The following MYLK variants were observed in gnomAD, a reference collection of about 807,000 sequenced individuals.
MYLK encodes myosin light chain kinase, smooth muscle.
MYLK carries 106 observed loss-of-function variants against 203.4 expected under a neutral mutation model. The observed-to-expected ratio is 0.52, with a 90% CI of 0.45 to 0.61. The LOEUF is 0.61. MYLK is among the 20% of genes least tolerant of loss of function. The pLI, the probability that MYLK is intolerant of heterozygous loss-of-function variation, is 0.00. For synonymous variants in MYLK, 867 were observed against 959.5 expected (o/e 0.90, Z 1.78); for missense variants, 2,072 against 2,442.3 (o/e 0.85, Z 3.20).
At position 123,634,328 on chromosome 3, in the gene MYLK, G is replaced by A. The variant is rs568729019; in HGVS notation, c.4961+3743C>T. 3.9e-5 allele frequency among the ~76,000 whole-genome samples: 6 copies of A among 152,336 alleles called. No homozygotes were observed. In the East Asian group the frequency reaches 9.7e-4, roughly 25 times the overall value. ...GCAGAGAGGGCAGCGGCAGCCCCAG[G>A]TGGGGAAGGCAGAGGTTACTGGATC... On this transcript the variant is annotated intron_variant, in intron 29 of 33. Coordinates refer to ENST00000360304, the MANE Select transcript of MYLK (RefSeq NM_053025.4).
At chr3:123,810,555 G>A (rs1225222029) in intron 3 of MYLK, among the ~76,000 whole-genome samples, 1 of 152,228 alleles carries the variant, frequency 6.6e-6, no homozygotes, top group Non-Finnish European at 1.5e-5. Flanking sequence ...CCAGCTCTAA[G>A]CCTGGCCCTG....
chr3:123,658,875 C>T (rs974520114), intron 23 of MYLK, among the ~76,000 whole-genome samples: 2 of 152,112 alleles, frequency 1.3e-5, no homozygotes, highest in African/African-American at 4.8e-5. Flanking sequence ...CCAGCCCTGC[C>T]GATCCACATT....
intron 31 of MYLK, chr3:123,624,911 T>A (rs1391106126): frequency 6.6e-6 from 1 of 152,240 alleles, no homozygotes; most frequent in Non-Finnish European, 1.5e-5. Flanking sequence ...TGAGTGACAC[T>A]CTACTTTCTG....
rs181694516 is a variant in MYLK at position 123,651,840 on chromosome 3, G to T, written c.4289-2646C>A. 1.7e-3 allele frequency among the ~76,000 whole-genome samples: 262 copies of T among 152,336 alleles called. 1 individual carries two copies. The highest frequency in any genetic ancestry group is 6.2e-3 in the African/African-American group (259 of 41,586). ...CCTCTCACCCCAGAGGTCTGTGGCA[G>T]ATCTGATTCTCATGCTAATGCTCTG... On this transcript the variant is annotated intron_variant, in intron 24 of 33. Coordinates refer to ENST00000360304, the MANE Select transcript of MYLK (RefSeq NM_053025.4).
intron 3 of MYLK, 71 bp downstream of exon 3, chr3:123,831,477 C>T: frequency 7.9e-7 from 1 of 1,269,386 alleles, no homozygotes; most frequent in East Asian, 5.6e-5. Flanking sequence ...CACAGCTCCC[C>T]TCTCTGCAGC....
At chr3:123,765,031 T>G (rs557039437) in intron 4 of MYLK, among the ~76,000 whole-genome samples, 1 of 152,298 alleles carries the variant, frequency 6.6e-6, no homozygotes, top group Non-Finnish European at 1.5e-5. Flanking sequence ...AAAACTCATT[T>G]TAAGGACACC....
intron 11 of MYLK, 36 bp downstream of exon 11, chr3:123,732,860 C>T: frequency 6.2e-7 from 1 of 1,600,694 alleles, no homozygotes; most frequent in Non-Finnish European, 8.6e-7. Context: ...GGTTGTCCCA[C>T]AGAGAATGCG....
chr3:123,724,848 G>A (rs1007609492), intron 12 of MYLK, among the ~76,000 whole-genome samples: 10 of 152,066 alleles, frequency 6.6e-5, no homozygotes, highest in Non-Finnish European at 2.9e-5. Flanking sequence ...GGGTTCAAGC[G>A]ATTCTCCTGC....
intron 5 of MYLK, among the ~76,000 whole-genome samples, chr3:123,745,921 A>C (rs913033045): frequency 2.0e-5 from 3 of 151,928 alleles, no homozygotes; most frequent in African/African-American, 7.3e-5. Flanking sequence ...GCAGTGGTGC[A>C]ATCTTGGCTC....
intron 8 of MYLK, among the ~76,000 whole-genome samples, chr3:123,736,647 T>C (rs991632510): frequency 5.9e-5 from 9 of 152,040 alleles, no homozygotes; most frequent in African/African-American, 2.2e-4. Flanking sequence ...TGAAGGAACA[T>C]GGGAACCCTG....
At position 123,700,190 on chromosome 3, in the gene MYLK, C is replaced by T. The variant is rs1460324793; in HGVS notation, c.3278G>A (p.Ser1093Asn). Residue 1093 changes from serine to asparagine, a missense_variant, in exon 18 of 34, where the codon AGC becomes AAC. Ser to Asn is a conservative substitution (Grantham distance 46). Around this residue, in one of 3 missense-constraint regions of MYLK, gnomAD observed 865 missense variants for 1,016.0 expected, o/e 0.85. Coordinates refer to ENST00000360304, the MANE Select transcript of MYLK (RefSeq NM_053025.4). The stretch of plus-strand genomic sequence containing the variant: ...CTTGAAGGCTGGGGCTGTCCCCTGG[C>T]TCTCTGATCTCTTTTCATTATCTGT... ...GTTDNEKRSESQGTAPAFKQK... is the reference protein window; with the variant it reads ...GTTDNEKRSENQGTAPAFKQK... The T allele has an allele frequency of 6.2e-7, 1 of 1,613,982 alleles. No homozygotes were observed. The highest frequency in any genetic ancestry group is 8.5e-7 in the Non-Finnish European group (1 of 1,180,008).
At chr3:123,865,693 A>C (rs888222877) in intron 2 of MYLK, among the ~76,000 whole-genome samples, 2 of 152,202 alleles carry the variant, frequency 1.3e-5, no homozygotes, top group African/African-American at 4.8e-5. Flanking sequence ...CTTCAGGTTA[A>C]CTTTAGATTG....
chr3:123,828,225 C>T (rs1167163096), intron 3 of MYLK, among the ~76,000 whole-genome samples: 2 of 152,032 alleles, frequency 1.3e-5, no homozygotes, highest in Admixed American at 6.6e-5. Flanking sequence ...GCTGTAGTAA[C>T]CCAAACAGCA....
intron 4 of MYLK, among the ~76,000 whole-genome samples, chr3:123,764,081 C>T (rs1576892333): frequency 6.6e-6 from 1 of 152,300 alleles, no homozygotes; most frequent in East Asian, 1.9e-4. Flanking sequence ...CTTCAAAAAA[C>T]CCTTTTTCAG....
intron 16 of MYLK, among the ~76,000 whole-genome samples, chr3:123,705,565 A>G (rs896272728): frequency 5.3e-5 from 8 of 152,286 alleles, no homozygotes; most frequent in Middle Eastern, 3.4e-3. Flanking sequence ...GTCCCCCGTT[A>G]TTAAATGACG....
chr3:123,755,847 T>C (rs2063343105), intron 4 of MYLK, among the ~76,000 whole-genome samples: 1 of 152,206 alleles, frequency 6.6e-6, no homozygotes, highest in Non-Finnish European at 1.5e-5. Context: ...AGACTCTTAC[T>C]TGACTCTTGC....
chr3:123,683,968 G>T lies in MYLK; in HGVS notation c.3566-1658C>A, dbSNP rs761562986. Among the ~76,000 whole-genome samples, 3 of 152,172 alleles carry T rather than the reference G, an allele frequency of 2.0e-5. No homozygotes were observed. In the South Asian group the frequency reaches 6.2e-4, roughly 31 times the overall value. Reference sequence around the variant, plus strand: ...ACATCAGGGGTCCCTGCTATCTGGAGTGGACACTCTTAAGCTCCTCAGGAG... The same window carrying T: ...ACATCAGGGGTCCCTGCTATCTGGATTGGACACTCTTAAGCTCCTCAGGAG... On this transcript the variant is annotated intron_variant, in intron 19 of 33. Coordinates refer to ENST00000360304, the MANE Select transcript of MYLK (RefSeq NM_053025.4).
chr3:123,865,860 A>G (rs188378804), intron 2 of MYLK, among the ~76,000 whole-genome samples: 13 of 152,186 alleles, frequency 8.5e-5, no homozygotes, highest in Non-Finnish European at 4.4e-5. Context: ...CAGGTAATAA[A>G]AGACCAGGGA....
intron 4 of MYLK, among the ~76,000 whole-genome samples, chr3:123,757,295 C>G (rs1374819907): frequency 6.6e-6 from 1 of 152,216 alleles, no homozygotes; most frequent in East Asian, 1.9e-4. Context: ...TATAGGTCCT[C>G]CAAGACTCAA....
Sources: allele counts gnomAD v4.1 joint callset (sites outside exome capture counted in the v4.1 genomes callset), GRCh38; gene constraint gnomAD v4.1.1; regional missense constraint gnomAD v4.1.1; transcripts MANE v1.5; gene names NCBI Gene and HGNC (gene_info 2026-07-23, HGNC 2026-07-21).